The following ASPH variants were observed in gnomAD, a reference collection of about 807,000 sequenced individuals.
ASPH encodes aspartyl/asparaginyl beta-hydroxylase.
Under a neutral mutation model 118.4 loss-of-function variants are expected in ASPH, and 100 were observed. That is an observed-to-expected ratio of 0.84 (90% CI 0.72 to 1.00). ASPH has a LOEUF of 1.00. Ranked by LOEUF, ASPH falls within the 50% of genes least tolerant of loss-of-function variation. ASPH has a pLI of 0.00. For missense variants in ASPH, 920 were observed against 919.5 expected (o/e 1.00, Z -0.01); for synonymous variants, 315 against 325.6 (o/e 0.97, Z 0.35).
At chr8:61,695,407 CT>C (rs1833695316) in intron 1 of ASPH, among the ~76,000 whole-genome samples, 1 of 152,220 alleles carries the variant, frequency 6.6e-6, no homozygotes, top group Non-Finnish European at 1.5e-5. Context: ...TGTCACCCCC[CT>C]AGCTGCCTAG....
chr8:61,585,201 C>T lies in ASPH; in HGVS notation c.977-1172G>A, dbSNP rs146036620. The stretch of plus-strand genomic sequence containing the variant: ...ACCCAGCAAACAGGAGCCCTCCTCC[C>T]GAAGGCAAGGCACACCCAGCAGGTG... On this transcript the variant is annotated intron_variant, in intron 14 of 24. Transcript: ENST00000379454. Among the ~76,000 whole-genome samples, 1,226 of 152,262 alleles carry T rather than the reference C, an allele frequency of 8.1e-3. 7 individuals carry two copies. Among genetic ancestry groups the T allele is most frequent in the Middle Eastern group, 0.014 (4 of 294 alleles).
intron 13 of ASPH, among the ~76,000 whole-genome samples, chr8:61,627,022 TTCTA>T (rs1271207003): frequency 2.0e-5 from 3 of 152,078 alleles, no homozygotes; most frequent in Non-Finnish European, 4.4e-5. Flanking sequence ...TCCTAAGAAT[TTCTA>T]TCTATCTATC....
chr8:61,619,704 T>C (rs1850246374), intron 13 of ASPH, among the ~76,000 whole-genome samples: 1 of 152,210 alleles, frequency 6.6e-6, no homozygotes, highest in Non-Finnish European at 1.5e-5. Flanking sequence ...CAACAGCATA[T>C]GAGCTGACCA....
At chr8:61,673,491 A>G (rs1442311151) in intron 3 of ASPH, among the ~76,000 whole-genome samples, 1 of 152,218 alleles carries the variant, frequency 6.6e-6, no homozygotes, top group East Asian at 1.9e-4. Context: ...AGACAACACT[A>G]TATCTCAACA....
chr8:61,648,417 T>C (rs889596046), intron 5 of ASPH, among the ~76,000 whole-genome samples: 1 of 152,214 alleles, frequency 6.6e-6, no homozygotes, highest in African/African-American at 2.4e-5. Flanking sequence ...CTTCTCCTCA[T>C]AGCTTGCAAT....
chr8:61,567,223 A>G lies in ASPH; in HGVS notation c.1245T>C (p.Pro415=), dbSNP rs1563845856. The change falls in exon 17 of 25, where the codon CCT becomes CCC. Residue 415 remains proline (P), a synonymous_variant. Coordinates refer to ENST00000379454, the MANE Select transcript of ASPH (RefSeq NM_004318.4). ...TCAAACTCAGCTTCAGCAGGTCTGC[A>G]GGGACATCAGGTAGGCTGGCCACCT... ...YQEVASLPDV[P]ADLLKLSLKR... is the part of the protein sequence containing the mutation. The G allele has an allele frequency of 6.2e-7, 1 of 1,614,110 alleles. No individual in the cohort carries two copies. The highest frequency in any genetic ancestry group is 2.2e-5 in the East Asian group (1 of 44,874).
At position 61,589,493 on chromosome 8, in the gene ASPH, GC is replaced by G. The variant is rs1216301561; in HGVS notation, c.977-5465del. Among the ~76,000 whole-genome samples, 4 of 152,296 alleles carry G rather than the reference GC, an allele frequency of 2.6e-5. No individual in the cohort carries two copies. In the East Asian group the frequency reaches 5.8e-4, roughly 22 times the overall value. ...ACACAAAAAGGAAAAAACCCAACAT[GC>G]GAATCTAGACCTAGCTAGGCCCTCA... On this transcript the variant is annotated intron_variant, in intron 14 of 24. Transcript: ENST00000379454.
chr8:61,507,054 C>T (rs1353616638), intron 24 of ASPH, among the ~76,000 whole-genome samples: 3 of 152,106 alleles, frequency 2.0e-5, no homozygotes, highest in Non-Finnish European at 4.4e-5. Context: ...ACATTTTTCA[C>T]TAGATTATGA....
chr8:61,512,900 T>C (rs140439382), intron 24 of ASPH, among the ~76,000 whole-genome samples: 1,611 of 152,304 alleles, frequency 0.011, 28 homozygotes, highest in African/African-American at 0.036. Flanking sequence ...TACATTTTTA[T>C]TGAGCTTCTC....
At chr8:61,547,760 T>C (rs537582703) in intron 21 of ASPH, among the ~76,000 whole-genome samples, 1 of 152,186 alleles carries the variant, frequency 6.6e-6, no homozygotes, top group African/African-American at 2.4e-5. Flanking sequence ...TTTCTTTCAC[T>C]TTTAATGTCT....
intron 13 of ASPH, among the ~76,000 whole-genome samples, chr8:61,619,744 A>G (rs1850265559): frequency 6.6e-6 from 1 of 152,222 alleles, no homozygotes; most frequent in Non-Finnish European, 1.5e-5. Flanking sequence ...CTGCACCTGT[A>G]ACTCCACATC....
chr8:61,700,192 G>A (rs748210509), intron 1 of ASPH, among the ~76,000 whole-genome samples: 2 of 152,138 alleles, frequency 1.3e-5, no homozygotes, highest in Non-Finnish European at 2.9e-5. Context: ...AACTCACATG[G>A]GCAGTGTTTG....
chr8:61,702,694 G>A (rs1001568428), intron 1 of ASPH, among the ~76,000 whole-genome samples: 4 of 152,146 alleles, frequency 2.6e-5, no homozygotes, highest in African/African-American at 9.7e-5. Context: ...AACCAGGAAA[G>A]AAAATGTCGG....
chr8:61,518,123 C>T lies in ASPH; in HGVS notation c.1901G>A (p.Gly634Glu), dbSNP rs201048853. 2 of 1,611,024 alleles carry T rather than the reference C, an allele frequency of 1.2e-6. No individual in the cohort carries two copies. Among genetic ancestry groups the T allele is most frequent in the Non-Finnish European group, 8.5e-7 (1 of 1,177,636 alleles). ...DWSQFTLWQQ[G>E]RRNENACKGA... is the part of the protein sequence containing the mutation. ...TTTGCAGGCATTTTCATTTCTTCTT[C>T]CTAGAATAAATAACATAATTGTTGG... Residue 634 changes from glycine (G) to glutamate (E), a missense_variant and splice_region_variant, in exon 23 of 25, where the codon GGA becomes GAA. Transcript: ENST00000379454.
chr8:61,661,583 T>C (rs1012198606), intron 3 of ASPH: 12 of 184,748 alleles, frequency 6.5e-5, no homozygotes, highest in East Asian at 2.6e-4. Context: ...TGTCAGGAGA[T>C]AGAGCCTAAG....
chr8:61,641,302 T>A (rs1187729330), intron 10 of ASPH, among the ~76,000 whole-genome samples: 1 of 152,184 alleles, frequency 6.6e-6, no homozygotes, highest in Non-Finnish European at 1.5e-5. Flanking sequence ...AGTCTTCAAA[T>A]TGCATTCCAA....
intron 21 of ASPH, among the ~76,000 whole-genome samples, chr8:61,535,381 T>C (rs776949258): frequency 2.6e-5 from 4 of 151,870 alleles, no homozygotes; most frequent in Non-Finnish European, 4.4e-5. Flanking sequence ...GTTTTTAACA[T>C]GTGAACAAAA....
chr8:61,584,632 CTTCT>C (rs200609344), intron 14 of ASPH, among the ~76,000 whole-genome samples: 3,243 of 75,056 alleles, frequency 0.043, 120 homozygotes, highest in African/African-American at 0.09. Flanking sequence ...TCTTTCTTTC[CTTCT>C]TTCTTTCTTT....
At position 61,511,094 on chromosome 8, in the gene ASPH, TA is replaced by T. The variant is rs771976834; in HGVS notation, c.2126+6433del. 2.0e-5 allele frequency among the ~76,000 whole-genome samples: 3 copies of T among 152,314 alleles called. No homozygotes were observed. The East Asian group carries it at 5.8e-4, about 29-fold the overall frequency. On this transcript the variant is annotated intron_variant, in intron 24 of 24. Coordinates refer to ENST00000379454, the MANE Select transcript of ASPH (RefSeq NM_004318.4). ...TGTCTATGAGGAATTCATGATGAAT[TA>T]AAAAAATTAAGTCTCTCTTACTGTT...
Sources: allele counts gnomAD v4.1 joint callset (sites outside exome capture counted in the v4.1 genomes callset), GRCh38; gene constraint gnomAD v4.1.1; transcripts MANE v1.5; gene names NCBI Gene and HGNC (gene_info 2026-07-23, HGNC 2026-07-21).